TMEM192: variants seen among roughly 807,000 people sequenced by gnomAD.
TMEM192 encodes the protein transmembrane protein 192.
Under a neutral mutation model 26.7 loss-of-function variants are expected in TMEM192, and 20 were observed. The observed-to-expected ratio is 0.75, with a 90% CI of 0.53 to 1.09. The LOEUF (loss-of-function observed/expected upper bound fraction) is 1.09. Among genes scored for constraint, TMEM192 ranks in the 50% least tolerant of loss-of-function variants. The pLI is 0.00. For synonymous variants in TMEM192, 124 were observed against 121.0 expected (o/e 1.02, Z -0.16); for missense variants, 304 against 322.6 (o/e 0.94, Z 0.44).
At chr4:165,093,343 C>T (rs1463156078) in intron 3 of TMEM192, among the ~76,000 whole-genome samples, 1 of 151,974 alleles carries the variant, frequency 6.6e-6, no homozygotes, top group East Asian at 1.9e-4. Flanking sequence ...GATTCACCCG[C>T]CTCGGCCTCC....
Position 165,079,790 on chromosome 4 carries a change from A to C in TMEM192, c.684T>G (p.Ile228Met). The change falls in exon 6 of 6, where the codon ATT (isoleucine) becomes ATG (methionine). Residue 228 changes from isoleucine to methionine, a missense_variant. Coordinates refer to ENST00000306480, the MANE Select transcript of TMEM192 (RefSeq NM_001100389.2). The stretch of plus-strand genomic sequence containing the variant: ...TTTCAACAATTTCTTCTAGGCTTGA[A>C]ATAGTTCTGCAAGTAATCAAGATAT... ...NITSETGFRT[I>M]SSLEEIVEKQ... The C allele has an allele frequency of 6.2e-7, 1 of 1,613,684 alleles. No homozygotes were observed. Among genetic ancestry groups the C allele is most frequent in the Non-Finnish European group, 8.5e-7 (1 of 1,179,832 alleles).
At chr4:165,088,684 T>G (rs1578902444) in intron 3 of TMEM192, 82 bp from the exon 4 acceptor site, 1 of 1,377,890 alleles carries the variant, frequency 7.3e-7, no homozygotes, top group East Asian at 2.5e-5. Context: ...GGTCTTTGTC[T>G]GGTTCCTTAC....
Position 165,077,236 on chromosome 4 carries a change from A to T in TMEM192, c.*2422T>A, listed in dbSNP as rs1282431312. 1 of 152,222 alleles carries T rather than the reference A, an allele frequency of 6.6e-6. No individual in the cohort carries two copies. Among genetic ancestry groups the T allele is most frequent in the Non-Finnish European group, 1.5e-5 (1 of 68,036 alleles). The allele number at this position is 152,222 out of a possible 1,614,324, so 9.4% of individuals were successfully genotyped here. The stretch of plus-strand genomic sequence containing the variant: ...AGAACATAGGCACCCTAACTTTTTA[A>T]CTACACTGTTCCTTGTAAACCAAAG... On this transcript the variant is annotated 3_prime_UTR_variant, in exon 6 of 6. Coordinates refer to ENST00000306480, the MANE Select transcript of TMEM192 (RefSeq NM_001100389.2).
chr4:165,084,450 C>A (rs900655488), intron 5 of TMEM192, among the ~76,000 whole-genome samples: 1 of 151,758 alleles, frequency 6.6e-6, no homozygotes, highest in African/African-American at 2.4e-5. Flanking sequence ...CTACCCACCT[C>A]GGCCTCCGAA....
At chr4:165,098,512 A>G (rs1734966715) in intron 3 of TMEM192, among the ~76,000 whole-genome samples, 1 of 151,556 alleles carries the variant, frequency 6.6e-6, no homozygotes, top group Non-Finnish European at 1.5e-5. Context: ...GGAACTCACT[A>G]TGTTGCCCAG....
At position 165,077,552 on chromosome 4, in the gene TMEM192, C is replaced by A. The variant is rs921548275; in HGVS notation, c.*2106G>T. 4 of 152,180 alleles carry A rather than the reference C, an allele frequency of 2.6e-5. No homozygotes were observed. Among genetic ancestry groups the A allele is most frequent in the Non-Finnish European group, 4.4e-5 (3 of 68,066 alleles). 9.4% of individuals were successfully genotyped at this position (152,180 alleles called of 1,614,324 possible). On this transcript the variant is annotated 3_prime_UTR_variant, in exon 6 of 6. Transcript: ENST00000306480. Reference sequence around the variant, plus strand: ...AAAAGGTCAGGAGTTTGAGACCAGCCTGGCCAGCATGGTGAAACCCCGCCT... The same window carrying A: ...AAAAGGTCAGGAGTTTGAGACCAGCATGGCCAGCATGGTGAAACCCCGCCT...
intron 3 of TMEM192, among the ~76,000 whole-genome samples, chr4:165,100,020 CTA>C (rs1735001781): frequency 1.3e-5 from 2 of 152,152 alleles, no homozygotes; most frequent in Non-Finnish European, 2.9e-5. Context: ...AACAGCATTT[CTA>C]TCTTTATGAG....
At chr4:165,086,043 T>C (rs1734607904) in intron 4 of TMEM192, among the ~76,000 whole-genome samples, 1 of 152,152 alleles carries the variant, frequency 6.6e-6, no homozygotes, top group East Asian at 1.9e-4. Context: ...AATCATGACT[T>C]CCTCTGGTCC....
chr4:165,081,342 C>T lies in TMEM192; in HGVS notation c.678-1546G>A, dbSNP rs144563162. Among the ~76,000 whole-genome samples the T allele has an allele frequency of 8.3e-4, 125 of 150,496 alleles. 2 individuals carry two copies. The East Asian group carries it at 0.024, about 29-fold the overall frequency. On this transcript the variant is annotated intron_variant, in intron 5 of 5. Coordinates refer to ENST00000306480, the MANE Select transcript of TMEM192 (RefSeq NM_001100389.2). ...AGAAGGGATATGCTCTGAGTAGAGTCAACTCTTGTATATACTGACTTTTTT... is the reference window on the plus strand; with the variant it reads ...AGAAGGGATATGCTCTGAGTAGAGTTAACTCTTGTATATACTGACTTTTTT...
chr4:165,099,221 G>T (rs1734984431), intron 3 of TMEM192, among the ~76,000 whole-genome samples: 1 of 149,164 alleles, frequency 6.7e-6, no homozygotes, highest in Non-Finnish European at 1.5e-5. Context: ...AGAGTAGCTG[G>T]GACCACAGGG....
chr4:165,094,855 T>A (rs1187305611), intron 3 of TMEM192, among the ~76,000 whole-genome samples: 1 of 151,530 alleles, frequency 6.6e-6, no homozygotes, highest in Non-Finnish European at 1.5e-5. Context: ...ACACCTGTAA[T>A]CCCAGCTACT....
intron 1 of TMEM192, among the ~76,000 whole-genome samples, chr4:165,108,225 C>T (rs1449910452): frequency 6.9e-6 from 1 of 143,934 alleles, no homozygotes; most frequent in Non-Finnish European, 1.5e-5. Context: ...TGCGTTCACA[C>T]CATTCTCCTG....
rs184514592 is a variant in TMEM192 at position 165,091,759 on chromosome 4, G to A, written c.440-3157C>T. Among the ~76,000 whole-genome samples, 36 of 152,242 alleles carry A rather than the reference G, an allele frequency of 2.4e-4. No individual in the cohort carries two copies. The South Asian group carries it at 6.6e-3, about 28-fold the overall frequency. ...AAACCTGGACTTTCTTAAAAACTTA[G>A]GAATGATTTTTTGCTTTACAGAATT... is the stretch of plus-strand genomic sequence containing the variant. On this transcript the variant is annotated intron_variant, in intron 3 of 5. Transcript: ENST00000306480.
chr4:165,087,985 C>T (rs1388688040), intron 4 of TMEM192, among the ~76,000 whole-genome samples: 1 of 152,210 alleles, frequency 6.6e-6, no homozygotes, highest in Non-Finnish European at 1.5e-5. Flanking sequence ...TCTTGGCTCA[C>T]TGCAACCTCT....
chr4:165,108,004 T>C (rs1168080109), intron 1 of TMEM192, among the ~76,000 whole-genome samples: 2 of 152,142 alleles, frequency 1.3e-5, no homozygotes, highest in African/African-American at 4.8e-5. Flanking sequence ...TTCAGTGGAC[T>C]CAGTACAGCT....
chr4:165,074,420 G>A lies in TMEM192; in HGVS notation c.*5238C>T, dbSNP rs2111250980. 6.6e-6 allele frequency: 1 copy of A among 152,240 alleles called. No homozygotes were observed. Among genetic ancestry groups the A allele is most frequent in the South Asian group, 2.1e-4 (1 of 4,824 alleles). The allele number at this position is 152,240 out of a possible 1,614,324, so 9.4% of individuals were successfully genotyped here. A position where few individuals can be genotyped will look rare whatever the true frequency, so the allele number is the denominator to read the frequency against. The stretch of plus-strand genomic sequence containing the variant: ...TCAAGAACTCAAGAGTTTACCAGAT[G>A]TGAGTTTTGTATTCAAGATTTATTT... On this transcript the variant is annotated 3_prime_UTR_variant, in exon 6 of 6. Transcript: ENST00000306480.
chr4:165,087,344 A>G (rs1422695084), intron 4 of TMEM192, among the ~76,000 whole-genome samples: 1 of 152,186 alleles, frequency 6.6e-6, no homozygotes, highest in Non-Finnish European at 1.5e-5. Context: ...TAACCAAGGC[A>G]GTGGCAGGGA....
chr4:165,079,290 G>A lies in TMEM192; in HGVS notation c.*368C>T, dbSNP rs1052844863. On this transcript the variant is annotated 3_prime_UTR_variant, in exon 6 of 6. Transcript: ENST00000306480. The stretch of plus-strand genomic sequence containing the variant: ...TTTGATTAAAACCCTGTTTAAAATC[G>A]ATTGTCTTGTTAGACTTCCCCTATC... The A allele has an allele frequency of 1.1e-5, 2 of 175,662 alleles. No homozygotes were observed. The highest frequency in any genetic ancestry group is 2.4e-5 in the Non-Finnish European group (2 of 84,264). 10.9% of individuals were successfully genotyped at this position (175,662 alleles called of 1,614,324 possible).
intron 3 of TMEM192, among the ~76,000 whole-genome samples, chr4:165,092,756 C>T (rs944702395): frequency 6.6e-6 from 1 of 151,950 alleles, no homozygotes; most frequent in African/African-American, 2.4e-5. Context: ...GCCAAAGATC[C>T]TTGCTGAAAG....
Sources: allele counts gnomAD v4.1 joint callset (sites outside exome capture counted in the v4.1 genomes callset), GRCh38; gene constraint gnomAD v4.1.1; transcripts MANE v1.5; gene names NCBI Gene and HGNC (gene_info 2026-07-23, HGNC 2026-07-21).